Variants in HSD17B2 observed in about 807,000 individuals in gnomAD.
HSD17B2 encodes the protein hydroxysteroid 17-beta dehydrogenase 2.
In HSD17B2, 32 loss-of-function variants were observed where a neutral mutation model predicts 26.9. The ratio of observed to expected loss-of-function variants is 1.19; its 90% CI spans 0.90 to 1.60. The LOEUF (loss-of-function observed/expected upper bound fraction) is 1.60. Ranked by LOEUF, HSD17B2 falls within the 40% of genes most tolerant of loss-of-function variation. The pLI, the probability that HSD17B2 is intolerant of heterozygous loss-of-function variation, is 0.00. For missense variants in HSD17B2, 613 were observed against 468.6 expected, an observed-to-expected ratio of 1.31 and a Z score of -2.85; for synonymous variants, 246 against 186.7, an observed-to-expected ratio of 1.32 and a Z score of -2.59.
rs777077245 is a variant in HSD17B2, at chr16:82,070,993, G to T, written c.530G>T (p.Gly177Val). Residue 177 changes from glycine to valine, a missense_variant, in exon 3 of 5, where the codon GGG (glycine) becomes GTG (valine). Gly to Val is a moderately radical substitution (Grantham distance 109, BLOSUM62 -3). Transcript: ENST00000199936. ...NAGVLGFPTD[G>V]ELLLMTDYKQ... ...GGGGTGCTTGGCTTTCCAACTGATG[G>T]GGAGCTTCTTCTTATGACTGACTAC... The T allele has an allele frequency of 1.2e-6, 2 of 1,614,238 alleles. No individual in the cohort carries two copies. Among genetic ancestry groups the T allele is most frequent in the East Asian group, 2.2e-5 (1 of 44,890 alleles).
rs376388069 is a variant in HSD17B2 at position 82,043,950 on chromosome 16, C to G, written c.265+8261C>G. 1.6e-4 allele frequency among the ~76,000 whole-genome samples: 24 copies of G among 152,294 alleles called. No homozygotes were observed. In the East Asian group the frequency reaches 2.9e-3, roughly 18 times the overall value. ...ACTCTGCTCTTGGAAGTCACATAATCTAATTAAAGTATTATTTTGCATGAT... is the reference window on the plus strand; with the variant it reads ...ACTCTGCTCTTGGAAGTCACATAATGTAATTAAAGTATTATTTTGCATGAT... On this transcript the variant is annotated intron_variant, in intron 1 of 4. Transcript: ENST00000199936.
chr16:82,050,742 GCTT>G (rs1184229416), intron 1 of HSD17B2, among the ~76,000 whole-genome samples: 3 of 152,080 alleles, frequency 2.0e-5, no homozygotes, highest in Non-Finnish European at 4.4e-5. Context: ...TTACAGGCTG[GCTT>G]CTTCTTCACC....
intron 3 of HSD17B2, 95 bp downstream of exon 3, chr16:82,071,222 A>G (rs1221801461): frequency 4.1e-6 from 5 of 1,219,536 alleles, no homozygotes; most frequent in Admixed American, 1.7e-5. Context: ...AGGGCATGCA[A>G]AGGCAGGGTT....
intron 3 of HSD17B2, among the ~76,000 whole-genome samples, chr16:82,086,214 G>T (rs996217777): frequency 6.6e-6 from 1 of 152,110 alleles, no homozygotes; most frequent in African/African-American, 2.4e-5. Flanking sequence ...ATAGCCAAAG[G>T]TAGAAACAAC....
chr16:82,043,342 G>A (rs1290575390), intron 1 of HSD17B2, among the ~76,000 whole-genome samples: 2 of 152,166 alleles, frequency 1.3e-5, no homozygotes, highest in African/African-American at 2.4e-5. Context: ...TGGGGGGAAA[G>A]GGGTGAGCAG....
chr16:82,085,347 C>T (rs1475491668), intron 3 of HSD17B2, among the ~76,000 whole-genome samples: 1 of 152,158 alleles, frequency 6.6e-6, no homozygotes, highest in Non-Finnish European at 1.5e-5. Context: ...AGTGAACCTC[C>T]TCATGCTGGG....
chr16:82,058,183 A>G (rs572352749), intron 1 of HSD17B2, among the ~76,000 whole-genome samples: 1 of 150,262 alleles, frequency 6.7e-6, no homozygotes, highest in Non-Finnish European at 1.5e-5. Flanking sequence ...TGATTCTCCC[A>G]CCTCAGCCTC....
intron 2 of HSD17B2, 23 bp downstream of exon 2, chr16:82,068,405 T>C: frequency 6.3e-7 from 1 of 1,584,862 alleles, no homozygotes; most frequent in Non-Finnish European, 8.6e-7. Flanking sequence ...GCACCCTCAG[T>C]GCCTTTACCC....
intron 3 of HSD17B2, among the ~76,000 whole-genome samples, chr16:82,081,525 C>T (rs1377756738): frequency 2.0e-5 from 3 of 152,116 alleles, no homozygotes; most frequent in Admixed American, 1.3e-4. Context: ...CTGGAAAACC[C>T]GAGGTCCTAT....
intron 1 of HSD17B2, among the ~76,000 whole-genome samples, chr16:82,062,315 C>T (rs563185737): frequency 1.1e-4 from 17 of 152,298 alleles, no homozygotes; most frequent in African/African-American, 3.6e-4. Context: ...TCCCAAATGA[C>T]ATAGTTTAAC....
intron 1 of HSD17B2, among the ~76,000 whole-genome samples, chr16:82,058,740 T>G (rs558408118): frequency 6.6e-6 from 1 of 152,176 alleles, no homozygotes; most frequent in Non-Finnish European, 1.5e-5. Context: ...TTTGTGAATA[T>G]AGAATCGAGA....
intron 3 of HSD17B2, among the ~76,000 whole-genome samples, chr16:82,072,255 T>G (rs1422381621): frequency 1.3e-5 from 2 of 152,290 alleles, no homozygotes; most frequent in East Asian, 3.9e-4. Flanking sequence ...CGAAGTGTCC[T>G]CTAGGATGGT....
chr16:82,052,241 G>A (rs1422507544), intron 1 of HSD17B2: 1 of 152,244 alleles, frequency 6.6e-6, no homozygotes, highest in Non-Finnish European at 1.5e-5. Context: ...TGTTGTTCAG[G>A]TGGGCATTCT....
Position 82,071,139 on chromosome 16 carries a change from T to C in HSD17B2, c.664+12T>C, listed in dbSNP as rs1053255620. 2.5e-6 allele frequency: 4 copies of C among 1,613,434 alleles called. No homozygotes were observed. Among genetic ancestry groups the C allele is most frequent in the Non-Finnish European group, 3.4e-6 (4 of 1,179,436 alleles). The stretch of plus-strand genomic sequence containing the variant: ...CAGCAGCATGGGAGGTGAGTCAGCA[T>C]TTTCACACATGGTCATGGGGTGCCC... On this transcript the variant is annotated intron_variant, in intron 3 of 4. Coordinates refer to ENST00000199936, the MANE Select transcript of HSD17B2 (RefSeq NM_002153.3).
chr16:82,068,975 A>G (rs1914636241), intron 2 of HSD17B2, among the ~76,000 whole-genome samples: 1 of 152,176 alleles, frequency 6.6e-6, no homozygotes, highest in South Asian at 2.1e-4. Flanking sequence ...TGACATAGGT[A>G]AGCATGTGCC....
At chr16:82,070,910 G>C in intron 2 of HSD17B2, 32 bp from the exon 3 acceptor site, 2 of 1,592,970 alleles carry the variant, frequency 1.3e-6, no homozygotes, top group Non-Finnish European at 1.7e-6. Flanking sequence ...TCCTCTTCCA[G>C]ACACTCACTC....
At chr16:82,071,329 C>G (rs553574089) in intron 3 of HSD17B2, 1 of 629,554 alleles carries the variant, frequency 1.6e-6, no homozygotes, top group African/African-American at 1.8e-5. Flanking sequence ...CTCTTATCTG[C>G]CTTCTAACTC....
chr16:82,093,512 T>G (rs1039457460), intron 4 of HSD17B2: 7 of 152,214 alleles, frequency 4.6e-5, no homozygotes, highest in African/African-American at 1.7e-4. Flanking sequence ...GATGTTTGAG[T>G]CCCTTCTAGT....
intron 4 of HSD17B2, chr16:82,093,222 G>T (rs1389243143): frequency 3.9e-5 from 6 of 152,140 alleles, no homozygotes; most frequent in Non-Finnish European, 8.8e-5. Flanking sequence ...TACCATCACA[G>T]CCCTCTCCAA....
Sources: gnomAD v4.1 joint callset for allele counts (sites outside exome capture counted in the v4.1 genomes callset) on GRCh38, gnomAD v4.1.1 for gene constraint, MANE v1.5 for transcripts, NCBI Gene and HGNC (gene_info 2026-07-23, HGNC 2026-07-21) for gene names.